GBE1: variants seen among roughly 807,000 people sequenced by gnomAD.
GBE1 encodes 1,4-alpha-glucan branching enzyme 1, also known as 1,4-alpha-glucan-branching enzyme.
GBE1 carries 70 observed loss-of-function variants against 88.8 expected under a neutral mutation model. The observed-to-expected ratio is 0.79, with a 90% CI of 0.65 to 0.96. The LOEUF (loss-of-function observed/expected upper bound fraction) is 0.96. Among genes scored for constraint, GBE1 ranks in the 40% least tolerant of loss-of-function variants. The pLI is 0.00. For synonymous variants in GBE1, 284 were observed against 300.1 expected (o/e 0.95, Z 0.56); for missense variants, 872 against 871.0 (o/e 1.00, Z -0.01).
chr3:81,518,618 G>C (rs1702830431), intron 14 of GBE1, among the ~76,000 whole-genome samples: 1 of 151,210 alleles, frequency 6.6e-6, no homozygotes, highest in South Asian at 2.1e-4. Flanking sequence ...TAAATCATAG[G>C]GATTGTTAGA....
chr3:81,593,324 C>T (rs6790892), intron 8 of GBE1, among the ~76,000 whole-genome samples: 19,078 of 150,518 alleles, frequency 0.13, 1,769 homozygotes, highest in East Asian at 0.37. Flanking sequence ...GAGTTCACAC[C>T]ACTGCGCTCC....
intron 15 of GBE1, among the ~76,000 whole-genome samples, chr3:81,497,057 T>G (rs1360147308): frequency 6.6e-6 from 1 of 152,194 alleles, no homozygotes; most frequent in African/African-American, 2.4e-5. Flanking sequence ...ACATTCTTTA[T>G]TCTACCTGAT....
intron 3 of GBE1, among the ~76,000 whole-genome samples, chr3:81,666,223 A>C (rs1009331134): frequency 6.6e-6 from 1 of 152,236 alleles, no homozygotes; most frequent in Non-Finnish European, 1.5e-5. Context: ...GGGCAAGGAC[A>C]GTTTACAAAT....
At chr3:81,619,031 A>G (rs1019628521) in intron 7 of GBE1, among the ~76,000 whole-genome samples, 6 of 152,120 alleles carry the variant, frequency 3.9e-5, no homozygotes, top group African/African-American at 1.4e-4. Context: ...CATGCAGAAA[A>G]TTACTATAAT....
chr3:81,496,508 A>T (rs1310415393), intron 15 of GBE1, among the ~76,000 whole-genome samples: 1 of 152,186 alleles, frequency 6.6e-6, no homozygotes, highest in Non-Finnish European at 1.5e-5. Context: ...TTCATGGAAG[A>T]AGGAAAAGTT....
intron 3 of GBE1, among the ~76,000 whole-genome samples, chr3:81,669,711 T>C (rs1453596259): frequency 4.6e-5 from 7 of 152,208 alleles, no homozygotes; most frequent in Admixed American, 3.3e-4. Flanking sequence ...ATATTAAATT[T>C]TAATTCCTCT....
chr3:81,647,071 C>T (rs975776082), intron 5 of GBE1, among the ~76,000 whole-genome samples: 3 of 151,704 alleles, frequency 2.0e-5, no homozygotes, highest in Non-Finnish European at 2.9e-5. Flanking sequence ...ATTCTCATGC[C>T]TCAGCCTCCC....
chr3:81,576,482 T>C (rs1334071804), intron 12 of GBE1, among the ~76,000 whole-genome samples: 6 of 152,200 alleles, frequency 3.9e-5, no homozygotes, highest in Non-Finnish European at 7.4e-5. Flanking sequence ...TTACTTTACA[T>C]GGTGACATGG....
intron 14 of GBE1, among the ~76,000 whole-genome samples, chr3:81,517,030 A>G (rs1702806858): frequency 6.6e-6 from 1 of 151,534 alleles, no homozygotes; most frequent in African/African-American, 2.4e-5. Context: ...GGTAATCTTT[A>G]TCAACTAAGT....
intron 9 of GBE1, among the ~76,000 whole-genome samples, chr3:81,586,826 T>G (rs912648831): frequency 4.6e-5 from 7 of 152,038 alleles, no homozygotes; most frequent in Admixed American, 2.6e-4. Context: ...TTCACCCTTG[T>G]TGCCCAGGCT....
chr3:81,684,748 T>C lies in GBE1; in HGVS notation c.314-13795A>G, dbSNP rs187518412. 2.9e-3 allele frequency among the ~76,000 whole-genome samples: 448 copies of C among 152,320 alleles called. 1 individual carries two copies. Among genetic ancestry groups the C allele is most frequent in the Non-Finnish European group, 3.9e-3 (268 of 68,016 alleles). ...TGCTTTAGCAATCAAAATTTCTCTA[T>C]GGAATTTTTTTTTCATAGAAAAGCT... On this transcript the variant is annotated intron_variant, in intron 2 of 15. Transcript: ENST00000429644.
At chr3:81,555,701 A>T (rs536430449) in intron 12 of GBE1, among the ~76,000 whole-genome samples, 2 of 152,294 alleles carry the variant, frequency 1.3e-5, no homozygotes, top group South Asian at 4.1e-4. Flanking sequence ...CCTTCTGTCC[A>T]GTTAGTTCTT....
intron 2 of GBE1, among the ~76,000 whole-genome samples, chr3:81,698,331 T>C (rs1244252244): frequency 2.0e-5 from 3 of 152,096 alleles, no homozygotes; most frequent in Non-Finnish European, 4.4e-5. Flanking sequence ...TTCGCCCATC[T>C]TGTCACATAA....
chr3:81,562,600 TA>T (rs1256858037), intron 12 of GBE1, among the ~76,000 whole-genome samples: 1 of 152,028 alleles, frequency 6.6e-6, no homozygotes, highest in African/African-American at 2.4e-5. Context: ...ATATTATATG[TA>T]AAGCACTCAG....
intron 1 of GBE1, among the ~76,000 whole-genome samples, chr3:81,754,232 C>T (rs575497443): frequency 1.4e-3 from 215 of 151,848 alleles, no homozygotes; most frequent in African/African-American, 4.9e-3. Flanking sequence ...ATACAAAATA[C>T]CTAGGAATCA....
At chr3:81,626,851 T>C (rs528118242) in intron 7 of GBE1, among the ~76,000 whole-genome samples, 1 of 152,314 alleles carries the variant, frequency 6.6e-6, no homozygotes, top group African/African-American at 2.4e-5. Flanking sequence ...AAAATGTATA[T>C]TAGCTAATTA....
intron 7 of GBE1, among the ~76,000 whole-genome samples, chr3:81,603,131 G>A (rs1559659414): frequency 1.3e-5 from 2 of 151,038 alleles, no homozygotes; most frequent in Non-Finnish European, 1.5e-5. Context: ...TTTCCTCTTT[G>A]TTAGCCTCTC....
At chr3:81,533,381 G>T (rs1482931107) in intron 14 of GBE1, among the ~76,000 whole-genome samples, 1 of 152,062 alleles carries the variant, frequency 6.6e-6, no homozygotes, top group Non-Finnish European at 1.5e-5. Context: ...ACAACACAGC[G>T]CATTCTGTGG....
chr3:81,521,482 T>C (rs547394434), intron 14 of GBE1, among the ~76,000 whole-genome samples: 86 of 151,688 alleles, frequency 5.7e-4, no homozygotes, highest in Admixed American at 4.0e-3. Context: ...TTTAATATTT[T>C]GTATATCTGA....
Sources: gnomAD v4.1 joint callset for allele counts (sites outside exome capture counted in the v4.1 genomes callset) on GRCh38, gnomAD v4.1.1 for gene constraint, MANE v1.5 for transcripts, NCBI Gene and HGNC (gene_info 2026-07-23, HGNC 2026-07-21) for gene names.